Variants in FAM171B observed in about 807,000 individuals in gnomAD.
FAM171B encodes the protein protein FAM171B.
Under a neutral mutation model 75.6 loss-of-function variants are expected in FAM171B, and 19 were observed. The ratio of observed to expected loss-of-function variants is 0.25; its 90% CI spans 0.18 to 0.37. The LOEUF is 0.37. FAM171B is among the 10% of genes least tolerant of loss of function. The probability of loss-of-function intolerance (pLI) is 1.00; values close to 1 mark genes in which losing one functional copy is unlikely to be tolerated. For missense variants in FAM171B, 848 were observed against 982.4 expected (o/e 0.86, Z 1.83); for synonymous variants, 367 against 361.7 (o/e 1.01, Z -0.17).
At chr2:186,736,645 CTTTTTT>C (rs71396886) in intron 1 of FAM171B, among the ~76,000 whole-genome samples, 1 of 50,204 alleles carries the variant, frequency 2.0e-5, no homozygotes, top group Admixed American at 3.3e-4. Context: ...GGGATCAGAG[CTTTTTT>C]TTTTTTTTTT....
At chr2:186,718,495 T>C (rs1172744889) in intron 1 of FAM171B, among the ~76,000 whole-genome samples, 1 of 152,208 alleles carries the variant, frequency 6.6e-6, no homozygotes, top group Non-Finnish European at 1.5e-5. Flanking sequence ...TACTTGAAAA[T>C]ATCCCATATT....
In FAM171B at chr2:186,762,681, C is replaced by T; in HGVS notation, c.2339C>T (p.Pro780Leu). The T allele has an allele frequency of 6.2e-7, 1 of 1,612,940 alleles. No individual in the cohort carries two copies. Among genetic ancestry groups the T allele is most frequent in the Non-Finnish European group, 8.5e-7 (1 of 1,179,554 alleles). ...VIMEHPGEES[P>L]GRKSTVEDFE... is the part of the protein sequence containing the mutation. ...ATGGAGCACCCTGGAGAAGAGTCGC[C>T]AGGAAGGAAAAGCACTGTTGAAGAT... The change falls in exon 8 of 8, where the codon CCA (proline) becomes CTA (leucine). Residue 780 changes from proline (P) to leucine (L), a missense_variant. Around this residue, in one of 3 missense-constraint regions of FAM171B, gnomAD observed 136 missense variants for 159.3 expected, o/e 0.85. Coordinates refer to ENST00000304698, the MANE Select transcript of FAM171B (RefSeq NM_177454.4). This position sits in a 1 kb window ranked among gnomAD's most constrained non-coding sequence, Gnocchi z 4.0.
rs1434632350 is a variant in FAM171B, at chr2:186,765,252, T to TC, written c.*2430dup. The TC allele has an allele frequency of 1.3e-5, 2 of 152,036 alleles. No individual in the cohort carries two copies. Among genetic ancestry groups the TC allele is most frequent in the Non-Finnish European group, 2.9e-5 (2 of 67,946 alleles). 9.4% of individuals were successfully genotyped at this position (152,036 alleles called of 1,614,324 possible). On this transcript the variant is annotated 3_prime_UTR_variant, in exon 8 of 8. Coordinates refer to ENST00000304698, the MANE Select transcript of FAM171B (RefSeq NM_177454.4). ...TTTTAAATTGAAAACCAAGGTTTTT[T>TC]CAAATATAAACCTAGATGATTTTGG...
intron 1 of FAM171B, among the ~76,000 whole-genome samples, chr2:186,705,629 A>G (rs1322791483): frequency 6.6e-6 from 1 of 152,192 alleles, no homozygotes; most frequent in Non-Finnish European, 1.5e-5. Flanking sequence ...CAAAGATAAC[A>G]TTCAGACTCA....
chr2:186,755,671 T>A (rs1434400400), intron 6 of FAM171B, among the ~76,000 whole-genome samples: 1 of 152,222 alleles, frequency 6.6e-6, no homozygotes, highest in Non-Finnish European at 1.5e-5. Context: ...GTTTGATTTT[T>A]ATTTTCATTC....
At chr2:186,744,577 G>T (rs1399030165) in intron 3 of FAM171B, among the ~76,000 whole-genome samples, 1 of 152,156 alleles carries the variant, frequency 6.6e-6, no homozygotes, top group African/African-American at 2.4e-5. Context: ...GCCCAGGCTG[G>T]AGTACAATGG....
chr2:186,711,094 A>G (rs991024498), intron 1 of FAM171B, among the ~76,000 whole-genome samples: 5 of 152,248 alleles, frequency 3.3e-5, no homozygotes, highest in African/African-American at 1.2e-4. Flanking sequence ...AGGAAAAAGT[A>G]TAGAATTTCA....
At chr2:186,734,172 C>T (rs1159361745) in intron 1 of FAM171B, among the ~76,000 whole-genome samples, 1 of 152,048 alleles carries the variant, frequency 6.6e-6, no homozygotes, top group African/African-American at 2.4e-5. Flanking sequence ...TAAATGATAC[C>T]CCGAAGTGGG....
At chr2:186,715,397 C>T (rs906022710) in intron 1 of FAM171B, among the ~76,000 whole-genome samples, 4 of 152,036 alleles carry the variant, frequency 2.6e-5, no homozygotes, top group African/African-American at 9.7e-5. Context: ...GAGACAGGGA[C>T]TCATTATGTT....
chr2:186,719,402 C>T (rs902228657), intron 1 of FAM171B, among the ~76,000 whole-genome samples: 2 of 152,126 alleles, frequency 1.3e-5, no homozygotes, highest in Non-Finnish European at 2.9e-5. Flanking sequence ...CACTTTATTT[C>T]ACTGTAAATA....
chr2:186,758,790 A>G (rs1301535273), intron 6 of FAM171B, among the ~76,000 whole-genome samples: 1 of 152,128 alleles, frequency 6.6e-6, no homozygotes. Flanking sequence ...TCACATCAAC[A>G]TAAATGGGGT....
chr2:186,709,385 A>G (rs1689779832), intron 1 of FAM171B, among the ~76,000 whole-genome samples: 1 of 152,194 alleles, frequency 6.6e-6, no homozygotes, highest in African/African-American at 2.4e-5. Context: ...CTTCTTCCAT[A>G]GTGCCCACAT....
At chr2:186,694,897 A>G (rs976442980) in intron 1 of FAM171B, among the ~76,000 whole-genome samples, 1 of 152,046 alleles carries the variant, frequency 6.6e-6, no homozygotes, top group African/African-American at 2.4e-5. Context: ...CCATTTCTCC[A>G]TGCCTGCTAT....
intron 1 of FAM171B, among the ~76,000 whole-genome samples, chr2:186,718,564 AT>A (rs1225801923): frequency 4.6e-5 from 7 of 152,142 alleles, no homozygotes; most frequent in Admixed American, 4.6e-4. Context: ...TGTTTGTATA[AT>A]TTTGTATGCC....
At chr2:186,761,061 G>T in intron 6 of FAM171B, 52 bp from the exon 7 acceptor site, 2 of 1,562,944 alleles carry the variant, frequency 1.3e-6, no homozygotes, top group South Asian at 2.4e-5. Flanking sequence ...TGACATAGTT[G>T]AGAATTTGAT....
Position 186,761,255 on chromosome 2 carries a change from A to G in FAM171B, c.1136+19A>G. 1 of 1,609,986 alleles carries G rather than the reference A, an allele frequency of 6.2e-7. No homozygotes were observed. The highest frequency in any genetic ancestry group is 1.7e-5 in the Admixed American group (1 of 59,196). ...ATTGCAGGTAAGAAAATGGCTATAA[A>G]CACAGAAAACTATCAAGTTATGGTA... On this transcript the variant is annotated intron_variant, in intron 7 of 7. Transcript: ENST00000304698.
intron 1 of FAM171B, among the ~76,000 whole-genome samples, chr2:186,728,752 TA>T (rs1158940082): frequency 5.3e-5 from 8 of 152,184 alleles, no homozygotes; most frequent in African/African-American, 1.9e-4. Context: ...GGAAACGAAG[TA>T]GGTGAGTTTT....
chr2:186,724,574 G>A (rs1690003412), intron 1 of FAM171B, among the ~76,000 whole-genome samples: 1 of 152,180 alleles, frequency 6.6e-6, no homozygotes, highest in Non-Finnish European at 1.5e-5. Context: ...GATTCCTTTT[G>A]GTGAATCACC....
intron 1 of FAM171B, among the ~76,000 whole-genome samples, chr2:186,696,606 C>G (rs1186798518): frequency 6.7e-6 from 1 of 149,792 alleles, no homozygotes; most frequent in Non-Finnish European, 1.5e-5. Flanking sequence ...TCTCCTTTAG[C>G]CCTTACCCTA....
Sources: allele counts gnomAD v4.1 joint callset (sites outside exome capture counted in the v4.1 genomes callset), GRCh38; gene constraint gnomAD v4.1.1; regional missense constraint gnomAD v4.1.1; non-coding constraint Gnocchi (gnomAD v3.1); transcripts MANE v1.5; gene names NCBI Gene and HGNC (gene_info 2026-07-23, HGNC 2026-07-21).